Variants in HSPBP1 observed in about 807,000 individuals in gnomAD.
The protein encoded by HSPBP1 is HSPA (Hsp70) binding protein 1, also known as hsp70-binding protein 1.
Under a neutral mutation model 41.7 loss-of-function variants are expected in HSPBP1, and 31 were observed. The ratio of observed to expected loss-of-function variants is 0.74; its 90% CI spans 0.56 to 1.00. The LOEUF (loss-of-function observed/expected upper bound fraction) is 1.00, where lower values mean the gene tolerates loss of function less well. HSPBP1 is among the 50% of genes least tolerant of loss of function. The probability of loss-of-function intolerance (pLI) is 0.00; values close to 1 mark genes in which losing one functional copy is unlikely to be tolerated. For missense variants in HSPBP1, 439 were observed against 487.9 expected (o/e 0.90, Z 0.94); for synonymous variants, 199 against 214.4 (o/e 0.93, Z 0.63).
Position 55,270,691 on chromosome 19 carries a change from G to A in HSPBP1, c.640+3707C>T, listed in dbSNP as rs149362739. Among the ~76,000 whole-genome samples the A allele has an allele frequency of 6.4e-4, 97 of 151,672 alleles. 1 individual carries two copies. The highest frequency in any genetic ancestry group is 9.6e-4 in the Non-Finnish European group (65 of 67,876). ...GTCTGTGTGCACACATACCACACAC[G>A]ACACACTCCACATAAGCACACACCA... On this transcript the variant is annotated intron_variant, in intron 4 of 7. Transcript: ENST00000433386. The surrounding 1 kb of genome is among the most constrained non-coding windows in gnomAD (Gnocchi z 5.4).
chr19:55,273,147 G>A (rs1169827213), intron 4 of HSPBP1, among the ~76,000 whole-genome samples: 5 of 152,006 alleles, frequency 3.3e-5, no homozygotes, highest in African/African-American at 4.8e-5. Context: ...GCACCACCAC[G>A]TCCAGCTAAT....
At chr19:55,278,108 C>T (rs1301802164) in intron 2 of HSPBP1, among the ~76,000 whole-genome samples, 1 of 151,988 alleles carries the variant, frequency 6.6e-6, no homozygotes, top group Admixed American at 6.6e-5. Flanking sequence ...TTAGCCAGGC[C>T]TGGTGGCGTG....
chr19:55,270,224 G>A lies in HSPBP1; in HGVS notation c.641-3938C>T, dbSNP rs1410026608. Among the ~76,000 whole-genome samples the A allele has an allele frequency of 2.6e-5, 4 of 152,304 alleles. 1 individual carries two copies. The highest frequency in any genetic ancestry group is 9.6e-5 in the African/African-American group (4 of 41,580). Reference sequence around the variant, plus strand: ...TCCCAGAGCTCTTGCCCTGCATCGTGCACAACTTTCGCTGGGGAAGCCGAC... The same window carrying A: ...TCCCAGAGCTCTTGCCCTGCATCGTACACAACTTTCGCTGGGGAAGCCGAC... On this transcript the variant is annotated intron_variant, in intron 4 of 7. Coordinates refer to ENST00000433386, the MANE Select transcript of HSPBP1 (RefSeq NM_012267.5). This position sits in a 1 kb window ranked among gnomAD's most constrained non-coding sequence, Gnocchi z 5.4.
intron 4 of HSPBP1, among the ~76,000 whole-genome samples, chr19:55,271,962 T>G (rs1289838671): frequency 6.6e-6 from 1 of 151,850 alleles, no homozygotes; most frequent in Admixed American, 6.6e-5. Context: ...CTTGGGAGGC[T>G]GAGGCAGGGG....
rs542928881 is a variant in HSPBP1 at position 55,272,315 on chromosome 19, G to A, written c.640+2083C>T. 5.9e-5 allele frequency among the ~76,000 whole-genome samples: 9 copies of A among 152,232 alleles called. No individual in the cohort carries two copies. In the South Asian group the frequency reaches 8.3e-4, roughly 14 times the overall value. ...CACGCAACAGGACACATTCAGCCGC[G>A]GGAAGGAACACAGCACTGCCACCCG... is the stretch of plus-strand genomic sequence containing the variant. On this transcript the variant is annotated intron_variant, in intron 4 of 7. Transcript: ENST00000433386. This position sits in a 1 kb window ranked among gnomAD's most constrained non-coding sequence, Gnocchi z 4.2.
intron 7 of HSPBP1, among the ~76,000 whole-genome samples, chr19:55,264,002 TCTGTCGCC>T (rs2087710573): frequency 6.9e-6 from 1 of 145,252 alleles, no homozygotes; most frequent in African/African-American, 2.6e-5. Context: ...GGAGTCTCAC[TCTGTCGCC>T]CAGGCTGGAG....
At position 55,265,921 on chromosome 19, in the gene HSPBP1, G is replaced by T; in HGVS notation, c.858C>A (p.Ser286Arg). 6.2e-7 allele frequency: 1 copy of T among 1,608,500 alleles called. No individual in the cohort carries two copies. The highest frequency in any genetic ancestry group is 2.2e-5 in the East Asian group (1 of 44,728). Residue 286 changes from serine (S) to arginine (R), a missense_variant, in exon 6 of 8, where the codon AGC becomes AGA. By Grantham distance (110) the Ser-to-Arg change is moderately radical. Transcript: ENST00000433386. ...QLVALVRTEH[S>R]PFHEHVLGAL... ...CTCCAAGCACGTGCTCGTGGAAGGG[G>T]CTGTGCTCTGTCCGCACCAGGGCCA...
intron 3 of HSPBP1, among the ~76,000 whole-genome samples, chr19:55,277,078 A>G (rs1287693519): frequency 6.6e-6 from 1 of 152,126 alleles, no homozygotes; most frequent in Non-Finnish European, 1.5e-5. Flanking sequence ...GCTCTCCTCA[A>G]ACCTTCTGTG....
rs1449601253 is a variant in HSPBP1 at position 55,279,504 on chromosome 19, G to A, written c.105C>T (p.Gly35=). The change falls in exon 2 of 8, where the codon GGC becomes GGT. Residue 35 remains glycine (G), a synonymous_variant. Coordinates refer to ENST00000433386, the MANE Select transcript of HSPBP1 (RefSeq NM_012267.5). ...GGGGGGSSAG[G]SGNSRPPRNL... The stretch of plus-strand genomic sequence containing the variant: ...TGCGTGGGGGCCGGGAATTGCCCGA[G>A]CCCCCAGCCGAGGAGCCGCCGCCGC... 1 of 1,508,438 alleles carries A rather than the reference G, an allele frequency of 6.6e-7. No individual in the cohort carries two copies. Among genetic ancestry groups the A allele is most frequent in the Non-Finnish European group, 9.0e-7 (1 of 1,116,292 alleles). The allele number at this position is 1,508,438 out of a possible 1,614,324, so 93.4% of individuals were successfully genotyped here. A position where few individuals can be genotyped will look rare whatever the true frequency, so the allele number is the denominator to read the frequency against.
chr19:55,262,546 G>T lies in HSPBP1; in HGVS notation c.*62C>A, dbSNP rs1456721968. On this transcript the variant is annotated 3_prime_UTR_variant, in exon 8 of 8. Transcript: ENST00000433386. ...GATCCCTTGGGAGAGGGCCTTGTAG[G>T]TGGGGAGGGAGGCAAGAGGCCTGGG... 2 of 1,598,034 alleles carry T rather than the reference G, an allele frequency of 1.3e-6. No individual in the cohort carries two copies. The highest frequency in any genetic ancestry group is 1.1e-5 in the South Asian group (1 of 88,536).
chr19:55,266,107 GC>G, intron 5 of HSPBP1, 23 bp downstream of exon 5: 2 of 1,597,156 alleles, frequency 1.3e-6, no homozygotes, highest in Non-Finnish European at 1.7e-6. Context: ...CCCCACTCCT[GC>G]CCTCACTCAA....
intron 3 of HSPBP1, among the ~76,000 whole-genome samples, chr19:55,276,190 C>T (rs1350693657): frequency 1.3e-5 from 2 of 150,644 alleles, no homozygotes; most frequent in Non-Finnish European, 2.9e-5. Context: ...CAGCCAGACA[C>T]AAAAGGTCAC....
rs2087879901 is a variant in HSPBP1 at position 55,270,020 on chromosome 19, G to A, written c.641-3734C>T. On this transcript the variant is annotated intron_variant, in intron 4 of 7. Coordinates refer to ENST00000433386, the MANE Select transcript of HSPBP1 (RefSeq NM_012267.5). The surrounding 1 kb of genome is among the most constrained non-coding windows in gnomAD (Gnocchi z 5.4). Reference sequence around the variant, plus strand: ...GGCACCACCGCCTCGGGCAGCAGGAGCTGAGGGGACGTACCCTGCAAATGG... The same window carrying A: ...GGCACCACCGCCTCGGGCAGCAGGAACTGAGGGGACGTACCCTGCAAATGG... Among the ~76,000 whole-genome samples the A allele has an allele frequency of 6.6e-6, 1 of 152,208 alleles. No individual in the cohort carries two copies. Among genetic ancestry groups the A allele is most frequent in the African/African-American group, 2.4e-5 (1 of 41,442 alleles).
rs915642394 is a variant in HSPBP1, at chr19:55,272,294, C to A, written c.640+2104G>T. Among the ~76,000 whole-genome samples the A allele has an allele frequency of 6.6e-6, 1 of 152,092 alleles. No homozygotes were observed. Among genetic ancestry groups the A allele is most frequent in the Non-Finnish European group, 1.5e-5 (1 of 68,020 alleles). ...AGAGGCAGGGCACGGTGGACCCACG[C>A]AACAGGACACATTCAGCCGCGGGAA... On this transcript the variant is annotated intron_variant, in intron 4 of 7. Coordinates refer to ENST00000433386, the MANE Select transcript of HSPBP1 (RefSeq NM_012267.5). This position sits in a 1 kb window ranked among gnomAD's most constrained non-coding sequence, Gnocchi z 4.2.
At chr19:55,264,334 T>C (rs1600129274) in intron 7 of HSPBP1, among the ~76,000 whole-genome samples, 1 of 152,212 alleles carries the variant, frequency 6.6e-6, no homozygotes, top group East Asian at 1.9e-4. Context: ...TAATAGAATA[T>C]AACGTCCCAA....
Position 55,268,012 on chromosome 19 carries a change from C to T in HSPBP1, c.641-1726G>A, listed in dbSNP as rs1600137881. 6.6e-6 allele frequency among the ~76,000 whole-genome samples: 1 copy of T among 152,212 alleles called. No individual in the cohort carries two copies. The highest frequency in any genetic ancestry group is 2.4e-5 in the African/African-American group (1 of 41,442). ...CAAGAAGGACAGAAGCTGCTAGTAG[C>T]TTGTGGCCACTAAACACCTGATATG... On this transcript the variant is annotated intron_variant, in intron 4 of 7. Coordinates refer to ENST00000433386, the MANE Select transcript of HSPBP1 (RefSeq NM_012267.5). The surrounding 1 kb of genome is among the most constrained non-coding windows in gnomAD (Gnocchi z 4.5).
At chr19:55,265,806 G>A (rs571451209) in intron 6 of HSPBP1, 80 bp downstream of exon 6, 25 of 903,824 alleles carry the variant, frequency 2.8e-5, no homozygotes, top group African/African-American at 1.2e-4. Context: ...GAGTCCCTAC[G>A]GGCTGATTCC....
At chr19:55,274,345 G>GACCCCCCCCCCCCCCCCC in intron 4 of HSPBP1, 53 bp downstream of exon 4, 2 of 552,678 alleles carry the variant, frequency 3.6e-6, no homozygotes, top group Non-Finnish European at 6.2e-6. Flanking sequence ...GGCCCACCCG[G>GACCCCCCCCCCCCCCCCC]CACCCCCCCC....
At position 55,272,740 on chromosome 19, in the gene HSPBP1, C is replaced by G. The variant is rs2087957108; in HGVS notation, c.640+1658G>C. On this transcript the variant is annotated intron_variant, in intron 4 of 7. Transcript: ENST00000433386. The surrounding 1 kb of genome is among the most constrained non-coding windows in gnomAD (Gnocchi z 4.2). ...CCTGTAATCCCAGCTACTTGAGAGGCTGAGGCAGAACTGCTTGAACCTGGG... is the reference window on the plus strand; with the variant it reads ...CCTGTAATCCCAGCTACTTGAGAGGGTGAGGCAGAACTGCTTGAACCTGGG... Among the ~76,000 whole-genome samples the G allele has an allele frequency of 6.6e-6, 1 of 151,772 alleles. No homozygotes were observed. The highest frequency in any genetic ancestry group is 1.5e-5 in the Non-Finnish European group (1 of 67,990).
Sources: allele counts gnomAD v4.1 joint callset (sites outside exome capture counted in the v4.1 genomes callset), GRCh38; gene constraint gnomAD v4.1.1; non-coding constraint Gnocchi (gnomAD v3.1); transcripts MANE v1.5; gene names NCBI Gene and HGNC (gene_info 2026-07-23, HGNC 2026-07-21).